GPR157: variants seen among roughly 807,000 people sequenced by gnomAD.
The protein encoded by GPR157 is G-protein coupled receptor 157.
A neutral mutation model predicts 23.5 loss-of-function variants in GPR157; 16 were observed. The observed-to-expected ratio is 0.68, with a 90% CI of 0.46 to 1.04. The LOEUF (loss-of-function observed/expected upper bound fraction) is 1.04, where lower values mean the gene tolerates loss of function less well. Ranked by LOEUF, GPR157 falls within the 50% of genes least tolerant of loss-of-function variation. GPR157 has a pLI of 0.00. For missense variants in GPR157, 440 were observed against 460.7 expected (o/e 0.96, Z 0.41); for synonymous variants, 200 against 221.5 (o/e 0.90, Z 0.86).
At chr1:9,123,460 T>G (rs1638874151) in intron 1 of GPR157, among the ~76,000 whole-genome samples, 1 of 120,610 alleles carries the variant, frequency 8.3e-6, no homozygotes, top group Non-Finnish European at 1.6e-5. Context: ...TTAAAATATA[T>G]ATTTAATTTA....
Position 9,111,284 on chromosome 1 carries a change from T to C in GPR157, c.589A>G (p.Asn197Asp). ...CTAAGGGCAGCGCCTACCGCTCTGT[T>C]GATGTGCTTCCGGACCAGGAGGTAC... The part of the protein sequence containing the change: ...LLYLLVRKHI[N>D]RAHTALSEYR... The change falls in exon 2 of 4, where the codon AAC (asparagine) becomes GAC (aspartate). Residue 197 changes from asparagine to aspartate, a missense_variant. By Grantham distance (23) the Asn-to-Asp change is conservative. Coordinates refer to ENST00000377411, the MANE Select transcript of GPR157 (RefSeq NM_024980.5). The C allele has an allele frequency of 6.2e-7, 1 of 1,614,154 alleles. No homozygotes were observed. Among genetic ancestry groups the C allele is most frequent in the Non-Finnish European group, 8.5e-7 (1 of 1,179,986 alleles).
In GPR157 at chr1:9,104,457, C is replaced by A; in HGVS notation, c.970G>T (p.Glu324Ter). The A allele has an allele frequency of 6.2e-7, 1 of 1,613,856 alleles. No individual in the cohort carries two copies. The highest frequency in any genetic ancestry group is 1.1e-5 in the South Asian group (1 of 91,070). Residue 324 changes from glutamate to a stop codon, truncating the protein, a stop_gained, in exon 4 of 4, where the codon GAA (glutamate) becomes TAA (stop). Coordinates refer to ENST00000377411, the MANE Select transcript of GPR157 (RefSeq NM_024980.5). LOFTEE classifies it high-confidence loss of function. ...PAPSKPGESQESQGTPGELPS... is the reference protein window; with the variant it reads ...PAPSKPGESQ ...AGTTCCCCTGGGGTCCCTTGGGATTCCTGAGATTCTCCTGGCTTGGAAGGC... is the reference window on the plus strand; with the variant it reads ...AGTTCCCCTGGGGTCCCTTGGGATTACTGAGATTCTCCTGGCTTGGAAGGC...
rs943345709 is a variant in GPR157, at chr1:9,102,620, C to T, written c.*1799G>A. On this transcript the variant is annotated 3_prime_UTR_variant, in exon 4 of 4. Transcript: ENST00000377411. ...CTAGGCTCAGAAAATCATGCTTTGT[C>T]GAGTTCTGATGGATTCCAAGGGAAA... 2.0e-5 allele frequency: 3 copies of T among 152,054 alleles called. No individual in the cohort carries two copies. Among genetic ancestry groups the T allele is most frequent in the Non-Finnish European group, 2.9e-5 (2 of 68,008 alleles). 9.4% of individuals were successfully genotyped at this position (152,054 alleles called of 1,614,324 possible). A position where few individuals can be genotyped will look rare whatever the true frequency, so the allele number is the denominator to read the frequency against.
In GPR157 at chr1:9,128,357, C is replaced by T. The variant is rs1184323970; in HGVS notation, c.383+288G>A. ...TCACAAGGGGCTCAGAGTGTCCTCC[C>T]CAGCCCCGTCCAAGGAAACAGGGCC... On this transcript the variant is annotated intron_variant, in intron 1 of 3. Transcript: ENST00000377411. The surrounding 1 kb of genome is among the most constrained non-coding windows in gnomAD (Gnocchi z 6.3). 1.5e-6 allele frequency: 1 copy of T among 662,746 alleles called. No individual in the cohort carries two copies. The highest frequency in any genetic ancestry group is 2.8e-6 in the Non-Finnish European group (1 of 359,548). The allele number at this position is 662,746 out of a possible 1,614,324, so 41.1% of individuals were successfully genotyped here.
intron 2 of GPR157, among the ~76,000 whole-genome samples, chr1:9,110,043 G>C (rs1271963795): frequency 6.6e-6 from 1 of 152,134 alleles, no homozygotes; most frequent in East Asian, 1.9e-4. Flanking sequence ...GATGAGCCCG[G>C]AAGTCTAAAT....
chr1:9,108,852 C>T (rs1387583477), intron 2 of GPR157, among the ~76,000 whole-genome samples: 2 of 151,950 alleles, frequency 1.3e-5, no homozygotes. Flanking sequence ...GTGGCGCGAT[C>T]TCAGCTCACT....
chr1:9,123,261 A>AT (rs1569975617), intron 1 of GPR157, among the ~76,000 whole-genome samples: 2 of 26,938 alleles, frequency 7.4e-5, no homozygotes, highest in East Asian at 8.2e-4. Flanking sequence ...TATATATTTA[A>AT]ATATATATAT....
Position 9,105,495 on chromosome 1 carries a change from CA to C in GPR157, c.782del (p.Val261GlyfsTer203), listed in dbSNP as rs1200428566. On this transcript the variant is annotated frameshift_variant, in exon 3 of 4. Coordinates refer to ENST00000377411, the MANE Select transcript of GPR157 (RefSeq NM_024980.5). LOFTEE classifies it low-confidence loss of function (END_TRUNC). The surrounding 1 kb of genome is among the most constrained non-coding windows in gnomAD (Gnocchi z 4.8). ...GSPAVQTPVL[V>X]VLHGIGNTFQ... ...GGGAGGGCAGACCTACATGCAGAAC[CA>C]CCAGCACCGGCGTCTGCACGGCCGG... 2.6e-6 allele frequency: 4 copies of C among 1,565,964 alleles called. No homozygotes were observed. In the African/African-American group the frequency reaches 5.4e-5, roughly 21 times the overall value.
intron 1 of GPR157, among the ~76,000 whole-genome samples, chr1:9,122,704 C>T (rs1279457830): frequency 6.6e-6 from 1 of 151,994 alleles, no homozygotes; most frequent in Non-Finnish European, 1.5e-5. Context: ...CTATAAAATA[C>T]CGGGACTGTA....
At chr1:9,121,734 G>A (rs1051894177) in intron 1 of GPR157, among the ~76,000 whole-genome samples, 1 of 152,154 alleles carries the variant, frequency 6.6e-6, no homozygotes, top group Non-Finnish European at 1.5e-5. Flanking sequence ...ACTTCCCACT[G>A]CCCCCAGAGC....
chr1:9,103,115 A>AAC lies in GPR157; in HGVS notation c.*1303_*1304insGT, dbSNP rs1642586257. ...TGAGGCTCCTTTTTTAAAAAAAAAA[A>AAC]AAAAAAAAAACTGACTCTGAAGCTT... On this transcript the variant is annotated 3_prime_UTR_variant, in exon 4 of 4. Coordinates refer to ENST00000377411, the MANE Select transcript of GPR157 (RefSeq NM_024980.5). 2 of 151,346 alleles carry AAC rather than the reference A, an allele frequency of 1.3e-5. No homozygotes were observed. The highest frequency in any genetic ancestry group is 2.1e-4 in the South Asian group (1 of 4,786). The allele number at this position is 151,346 out of a possible 1,614,324, so 9.4% of individuals were successfully genotyped here.
chr1:9,105,542 C>A lies in GPR157; in HGVS notation c.736G>T (p.Val246Leu). ...GLRVWSTVRF[V>L]LTLCGSPAVQ... ...GCCGGGGAGCCACAGAGGGTCAGCA[C>A]GAACCGCACGGTGCTCCAGACCCTG... The change falls in exon 3 of 4, where the codon GTG becomes TTG. Residue 246 changes from valine to leucine, a missense_variant. By Grantham distance (32) the Val-to-Leu change is conservative (BLOSUM62 1). Transcript: ENST00000377411. The surrounding 1 kb of genome is among the most constrained non-coding windows in gnomAD (Gnocchi z 4.8). The A allele has an allele frequency of 6.3e-7, 1 of 1,596,414 alleles. No homozygotes were observed. The highest frequency in any genetic ancestry group is 8.5e-7 in the Non-Finnish European group (1 of 1,172,494).
At chr1:9,116,460 T>C (rs1330354785) in intron 1 of GPR157, among the ~76,000 whole-genome samples, 2 of 132,114 alleles carry the variant, frequency 1.5e-5, no homozygotes, top group Non-Finnish European at 3.1e-5. Flanking sequence ...GCTTTGAGTA[T>C]TTATGGCTTT....
At chr1:9,110,965 C>CCTG (rs1638474972) in intron 2 of GPR157, among the ~76,000 whole-genome samples, 1 of 152,202 alleles carries the variant, frequency 6.6e-6, no homozygotes, top group Non-Finnish European at 1.5e-5. Context: ...TGACCAAGGA[C>CCTG]ACAGCAGCCC....
At chr1:9,111,163 TTC>T (rs1171803302) in intron 2 of GPR157, 111 bp downstream of exon 2, 16 of 909,594 alleles carry the variant, frequency 1.8e-5, no homozygotes, top group Non-Finnish European at 2.8e-5. Flanking sequence ...CCATCACTGG[TTC>T]TGTCCCCAGA....
chr1:9,105,401 G>T lies in GPR157; in HGVS notation c.792+85C>A. On this transcript the variant is annotated intron_variant, in intron 3 of 3. Coordinates refer to ENST00000377411, the MANE Select transcript of GPR157 (RefSeq NM_024980.5). This position sits in a 1 kb window ranked among gnomAD's most constrained non-coding sequence, Gnocchi z 4.8. Reference sequence around the variant, plus strand: ...GCAGCTGTGCCTTGGCCGACACTGGGGTGCAGCCACTGTGCTGCGGGAAGG... The same window carrying T: ...GCAGCTGTGCCTTGGCCGACACTGGTGTGCAGCCACTGTGCTGCGGGAAGG... 7.9e-7 allele frequency: 1 copy of T among 1,258,774 alleles called. No homozygotes were observed. Among genetic ancestry groups the T allele is most frequent in the Non-Finnish European group, 1.1e-6 (1 of 914,168 alleles). The allele number at this position is 1,258,774 out of a possible 1,614,324, so 78.0% of individuals were successfully genotyped here.
intron 1 of GPR157, among the ~76,000 whole-genome samples, chr1:9,123,101 A>G (rs1324206719): frequency 4.7e-5 from 7 of 148,960 alleles, no homozygotes; most frequent in Admixed American, 6.8e-5. Context: ...GGTTGCAGTG[A>G]GCCGAGAGAT....
chr1:9,109,518 G>A (rs1348438589), intron 2 of GPR157, among the ~76,000 whole-genome samples: 2 of 151,916 alleles, frequency 1.3e-5, no homozygotes, highest in Admixed American at 1.3e-4. Context: ...TCAGTCTCCC[G>A]AGTAGCTGGG....
At chr1:9,123,603 AAT>A (rs1268658647) in intron 1 of GPR157, among the ~76,000 whole-genome samples, 1 of 113,172 alleles carries the variant, frequency 8.8e-6, no homozygotes, top group Non-Finnish European at 1.7e-5. Context: ...ATGTATATTT[AAT>A]ATATATTTAA....
Sources: allele counts gnomAD v4.1 joint callset (sites outside exome capture counted in the v4.1 genomes callset), GRCh38; gene constraint gnomAD v4.1.1; non-coding constraint Gnocchi (gnomAD v3.1); transcripts MANE v1.5; gene names NCBI Gene and HGNC (gene_info 2026-07-23, HGNC 2026-07-21).